ATP2B1: variants seen among roughly 807,000 people sequenced by gnomAD.
ATP2B1 encodes the protein ATPase plasma membrane Ca2+ transporting 1, also known as plasma membrane calcium-transporting ATPase 1.
Under a neutral mutation model 124.2 loss-of-function variants are expected in ATP2B1, and 14 were observed. That is an observed-to-expected ratio of 0.11 (90% CI 0.07 to 0.18). The LOEUF (loss-of-function observed/expected upper bound fraction) is 0.18. Ranked by LOEUF, ATP2B1 falls within the 10% of genes least tolerant of loss-of-function variation. The pLI is 1.00. For synonymous variants in ATP2B1, 449 were observed against 492.4 expected, an observed-to-expected ratio of 0.91 and a Z score of 1.17; for missense variants, 763 against 1,466.1, an observed-to-expected ratio of 0.52 and a Z score of 7.83.
intron 1 of ATP2B1, among the ~76,000 whole-genome samples, chr12:89,664,216 T>C (rs1356939210): frequency 6.6e-6 from 1 of 152,174 alleles, no homozygotes; most frequent in African/African-American, 2.4e-5. Flanking sequence ...TAAAGAAATA[T>C]GCCAGCCCAA....
At chr12:89,659,733 T>C (rs1886447265) in intron 1 of ATP2B1, among the ~76,000 whole-genome samples, 1 of 151,886 alleles carries the variant, frequency 6.6e-6, no homozygotes, top group Non-Finnish European at 1.5e-5. Flanking sequence ...CCATTCTGGC[T>C]AACACGGTGA....
At chr12:89,659,354 C>T (rs190343653) in intron 1 of ATP2B1, among the ~76,000 whole-genome samples, 1 of 121,400 alleles carries the variant, frequency 8.2e-6, no homozygotes, top group African/African-American at 3.0e-5. Flanking sequence ...TGAGGTATTA[C>T]AAAACACACA....
At chr12:89,641,537 T>C (rs1883500462) in intron 3 of ATP2B1, among the ~76,000 whole-genome samples, 1 of 152,166 alleles carries the variant, frequency 6.6e-6, no homozygotes, top group Non-Finnish European at 1.5e-5. Context: ...AATAATCTTG[T>C]ATATGAGACA....
rs906986457 is a variant in ATP2B1, at chr12:89,655,975, T to C, written c.-89A>G. ...TTCCAAGATGAAAATCTTTTAAGTA[T>C]GAAAATCTTTCTTAAACCAAACACT... On this transcript the variant is annotated 5_prime_UTR_variant, in exon 2 of 21. Transcript: ENST00000428670. 20 of 1,355,704 alleles carry C rather than the reference T, an allele frequency of 1.5e-5. 1 individual carries two copies. Among genetic ancestry groups the C allele is most frequent in the Admixed American group, 2.4e-5 (1 of 40,946 alleles). 84.0% of individuals were successfully genotyped at this position (1,355,704 alleles called of 1,614,324 possible). A position where few individuals can be genotyped will look rare whatever the true frequency, so the allele number is the denominator to read the frequency against.
At chr12:89,691,651 T>A (rs1890568397) in intron 1 of ATP2B1, among the ~76,000 whole-genome samples, 1 of 152,138 alleles carries the variant, frequency 6.6e-6, no homozygotes, top group Non-Finnish European at 1.5e-5. Flanking sequence ...CATACTATGC[T>A]AGGTCCCAAC....
At position 89,590,524 on chromosome 12, in the gene ATP2B1, C is replaced by G. The variant is rs1873365219; in HGVS notation, c.*460G>C. On this transcript the variant is annotated 3_prime_UTR_variant, in exon 21 of 21. Coordinates refer to ENST00000428670, the MANE Select transcript of ATP2B1 (RefSeq NM_001366521.1). Reference sequence around the variant, plus strand: ...TGAACAGGAACAAAAAAAGTATCTACAAACCTTGTAAACAGATCTGTATCA... The same window carrying G: ...TGAACAGGAACAAAAAAAGTATCTAGAAACCTTGTAAACAGATCTGTATCA... 1 of 152,190 alleles carries G rather than the reference C, an allele frequency of 6.6e-6. No individual in the cohort carries two copies. The allele number at this position is 152,190 out of a possible 1,614,324, so 9.4% of individuals were successfully genotyped here.
chr12:89,599,347 G>A (rs1018378027), intron 19 of ATP2B1, 48 bp from the exon 20 acceptor site: 3 of 1,582,236 alleles, frequency 1.9e-6, no homozygotes, highest in Non-Finnish European at 2.6e-6. Context: ...TCAAGTAAAG[G>A]TAAGCTGATC....
chr12:89,690,103 C>G (rs1890387721), intron 1 of ATP2B1, among the ~76,000 whole-genome samples: 1 of 152,008 alleles, frequency 6.6e-6, no homozygotes, highest in African/African-American at 2.4e-5. Flanking sequence ...TAAACTCTGT[C>G]CTATATGCTG....
At chr12:89,692,428 TGG>T in intron 1 of ATP2B1, among the ~76,000 whole-genome samples, 1 of 152,296 alleles carries the variant, frequency 6.6e-6, no homozygotes, top group East Asian at 1.9e-4. Context: ...TATATCTGCA[TGG>T]GTTTTCTCCA....
chr12:89,680,775 T>A (rs74466047), intron 1 of ATP2B1, among the ~76,000 whole-genome samples: 1 of 152,020 alleles, frequency 6.6e-6, no homozygotes, highest in East Asian at 1.9e-4. Flanking sequence ...AACAATCTAC[T>A]TCAAGACATG....
At chr12:89,626,722 T>C (rs1880930308) in intron 7 of ATP2B1, 107 bp from the exon 8 acceptor site, 1 of 1,300,112 alleles carries the variant, frequency 7.7e-7, no homozygotes, top group Admixed American at 2.9e-5. Flanking sequence ...CCAGTAAAGG[T>C]ATAAGCATTC....
intron 5 of ATP2B1, among the ~76,000 whole-genome samples, chr12:89,634,382 G>T (rs1882361588): frequency 1.3e-5 from 2 of 152,138 alleles, no homozygotes; most frequent in Non-Finnish European, 2.9e-5. Flanking sequence ...GCATCACAGA[G>T]AATTCATTAA....
In ATP2B1 at chr12:89,687,275, G is replaced by A. The variant is rs897200057; in HGVS notation, c.-222+21321C>T. ...TTTAGATACACAAACATTTACTGTC[G>A]TGTTACACTGCCTACAATATTTAGT... On this transcript the variant is annotated intron_variant, in intron 1 of 20. Coordinates refer to ENST00000428670, the MANE Select transcript of ATP2B1 (RefSeq NM_001366521.1). Among the ~76,000 whole-genome samples, 8 of 152,000 alleles carry A rather than the reference G, an allele frequency of 5.3e-5. No individual in the cohort carries two copies. In the East Asian group the frequency reaches 9.6e-4, roughly 18 times the overall value.
At chr12:89,655,520 A>G (rs1313672683) in intron 2 of ATP2B1, 159 bp downstream of exon 2, 2 of 665,396 alleles carry the variant, frequency 3.0e-6, no homozygotes, top group Non-Finnish European at 5.1e-6. Flanking sequence ...ATATAAAAAT[A>G]CTTTAACTGT....
intron 1 of ATP2B1, among the ~76,000 whole-genome samples, chr12:89,690,767 T>C (rs1890471102): frequency 6.6e-6 from 1 of 152,084 alleles, no homozygotes; most frequent in African/African-American, 2.4e-5. Context: ...AAACTTCTGG[T>C]AGTATAAATT....
intron 1 of ATP2B1, among the ~76,000 whole-genome samples, chr12:89,687,266 T>C (rs1307838608): frequency 6.6e-6 from 1 of 152,124 alleles, no homozygotes; most frequent in Non-Finnish European, 1.5e-5. Context: ...TACACAAACA[T>C]TTACTGTCGT....
chr12:89,643,811 C>G (rs1884021258), intron 2 of ATP2B1, among the ~76,000 whole-genome samples: 2 of 152,136 alleles, frequency 1.3e-5, no homozygotes, highest in Admixed American at 1.3e-4. Flanking sequence ...CTAGAGAAGC[C>G]AGGCACAGTG....
At chr12:89,648,565 A>G (rs1884814426) in intron 2 of ATP2B1, among the ~76,000 whole-genome samples, 1 of 152,246 alleles carries the variant, frequency 6.6e-6, no homozygotes, top group Non-Finnish European at 1.5e-5. Flanking sequence ...GTTGGAACTT[A>G]TAATTAAAAG....
At chr12:89,617,127 T>A (rs1288049275) in intron 11 of ATP2B1, 88 bp from the exon 12 acceptor site, 32 of 953,526 alleles carry the variant, frequency 3.4e-5, no homozygotes, top group Middle Eastern at 2.2e-4. Flanking sequence ...CTAGAAATCA[T>A]GGGATCTGAT....
Sources: gnomAD v4.1 joint callset for allele counts (sites outside exome capture counted in the v4.1 genomes callset) on GRCh38, gnomAD v4.1.1 for gene constraint, MANE v1.5 for transcripts, NCBI Gene and HGNC (gene_info 2026-07-23, HGNC 2026-07-21) for gene names.